KIF26B: variants seen among roughly 807,000 people sequenced by gnomAD.
KIF26B encodes kinesin-like protein KIF26B.
KIF26B carries 63 observed loss-of-function variants against 151.2 expected under a neutral mutation model. The ratio of observed to expected loss-of-function variants is 0.42; its 90% confidence interval spans 0.34 to 0.51. KIF26B has a LOEUF of 0.51. Ranked by LOEUF, KIF26B falls within the 20% of genes least tolerant of loss-of-function variation. The pLI is 0.07. For missense variants in KIF26B, 2,813 were observed against 2,913.6 expected, an observed-to-expected ratio of 0.97 and a Z score of 0.79; for synonymous variants, 1,357 against 1,262.1, an observed-to-expected ratio of 1.08 and a Z score of -1.59.
chr1:245,319,932 A>G (rs1671854260), intron 2 of KIF26B, among the ~76,000 whole-genome samples: 1 of 152,220 alleles, frequency 6.6e-6, no homozygotes. Context: ...TTGGGAGTAT[A>G]AGAACACAGA....
At chr1:245,474,575 C>G (rs1194579525) in intron 4 of KIF26B, among the ~76,000 whole-genome samples, 1 of 151,386 alleles carries the variant, frequency 6.6e-6, no homozygotes, top group African/African-American at 2.4e-5. Context: ...TCATGCCTGG[C>G]TTATTTTTTG....
intron 2 of KIF26B, among the ~76,000 whole-genome samples, chr1:245,294,329 G>A (rs888783182): frequency 1.3e-5 from 2 of 152,190 alleles, no homozygotes; most frequent in Non-Finnish European, 2.9e-5. Flanking sequence ...AGCAAAGCAT[G>A]AGGGTCTAAC....
intron 5 of KIF26B, among the ~76,000 whole-genome samples, chr1:245,577,719 G>A (rs548558853): frequency 1.7e-4 from 25 of 148,670 alleles, no homozygotes; most frequent in African/African-American, 5.7e-4. Context: ...CACCGGAAGA[G>A]CTTTGTGGAA....
At chr1:245,688,887 C>T (rs541296122) in intron 12 of KIF26B, 80 bp downstream of exon 12, 14 of 1,458,284 alleles carry the variant, frequency 9.6e-6, no homozygotes, top group East Asian at 2.5e-5. Flanking sequence ...CAGGGTGTCC[C>T]GTGCCCTGGG....
intron 2 of KIF26B, among the ~76,000 whole-genome samples, chr1:245,175,243 G>A (rs1040302309): frequency 6.6e-6 from 1 of 152,116 alleles, no homozygotes; most frequent in African/African-American, 2.4e-5. Flanking sequence ...ACAACCCCTA[G>A]CCAATCTGCC....
intron 4 of KIF26B, among the ~76,000 whole-genome samples, chr1:245,537,840 C>A (rs1398704461): frequency 6.6e-6 from 1 of 152,084 alleles, no homozygotes; most frequent in Non-Finnish European, 1.5e-5. Flanking sequence ...TAATTAGATA[C>A]ATAAATAAGG....
intron 4 of KIF26B, among the ~76,000 whole-genome samples, chr1:245,499,600 A>G (rs556734530): frequency 3.3e-5 from 5 of 152,368 alleles, no homozygotes; most frequent in African/African-American, 1.2e-4. Context: ...GTAAGCCAAA[A>G]AGTTTCCACT....
intron 2 of KIF26B, among the ~76,000 whole-genome samples, chr1:245,261,640 A>G (rs1013728929): frequency 6.6e-6 from 1 of 151,476 alleles, no homozygotes; most frequent in African/African-American, 2.4e-5. Context: ...GCTGGAATGC[A>G]ATGGCGTGAT....
chr1:245,685,619 A>T lies in KIF26B; in HGVS notation c.2636A>T (p.Glu879Val). ...AACGGCACGGCCCTCTCTGACAAGG[A>T]GCTCACCGACAACGAGGGCCCCCCA... ...GPNGTALSDK[E>V]LTDNEGPPDF... The change falls in exon 12 of 15, where the codon GAG (glutamate) becomes GTG (valine). Residue 879 changes from glutamate (E) to valine (V), a missense_variant. Around this residue, in one of 3 missense-constraint regions of KIF26B, gnomAD observed 2,060 missense variants for 2,088.6 expected, o/e 0.99. Coordinates refer to ENST00000407071, the MANE Select transcript of KIF26B (RefSeq NM_018012.4). The T allele has an allele frequency of 6.2e-7, 1 of 1,613,604 alleles. No homozygotes were observed.
chr1:245,516,653 T>A lies in KIF26B; in HGVS notation c.1167-24114T>A, dbSNP rs1660973812. ...GGGGTGGAGATGTGGGGTGAAGTAA[T>A]GAGCCCGCAAGGCCTGTCTGTGCCT... On this transcript the variant is annotated intron_variant, in intron 4 of 14. Transcript: ENST00000407071. The surrounding 1 kb of genome is among the most constrained non-coding windows in gnomAD (Gnocchi z 4.2). 6.6e-6 allele frequency among the ~76,000 whole-genome samples: 1 copy of A among 152,160 alleles called. No homozygotes were observed. Among genetic ancestry groups the A allele is most frequent in the African/African-American group, 2.4e-5 (1 of 41,430 alleles).
intron 4 of KIF26B, among the ~76,000 whole-genome samples, chr1:245,457,458 A>G (rs1247593984): frequency 6.6e-6 from 1 of 152,228 alleles, no homozygotes; most frequent in Non-Finnish European, 1.5e-5. Flanking sequence ...ATGCATGCAA[A>G]ATATAAATAG....
At position 245,495,517 on chromosome 1, in the gene KIF26B, T is replaced by C. The variant is rs1348021177; in HGVS notation, c.1167-45250T>C. ...GACATTGAAAATCTTTTCTTCTAGCTTTTTGAAAACATACAATAAATCATC... is the reference window on the plus strand; with the variant it reads ...GACATTGAAAATCTTTTCTTCTAGCCTTTTGAAAACATACAATAAATCATC... On this transcript the variant is annotated intron_variant, in intron 4 of 14. Coordinates refer to ENST00000407071, the MANE Select transcript of KIF26B (RefSeq NM_018012.4). This position sits in a 1 kb window ranked among gnomAD's most constrained non-coding sequence, Gnocchi z 4.2. Among the ~76,000 whole-genome samples the C allele has an allele frequency of 6.6e-6, 1 of 152,202 alleles. No individual in the cohort carries two copies. The highest frequency in any genetic ancestry group is 1.9e-4 in the East Asian group (1 of 5,204).
Position 245,540,926 on chromosome 1 carries a change from G to C in KIF26B, c.1326G>C (p.Val442=), listed in dbSNP as rs1661605515. 1 of 1,613,748 alleles carries C rather than the reference G, an allele frequency of 6.2e-7. No individual in the cohort carries two copies. The change falls in exon 5 of 15, where the codon GTG becomes GTC. Residue 442 remains valine, a synonymous_variant. Coordinates refer to ENST00000407071, the MANE Select transcript of KIF26B (RefSeq NM_018012.4). The surrounding 1 kb of genome is among the most constrained non-coding windows in gnomAD (Gnocchi z 4.6). Reference sequence around the variant, plus strand: ...GCCTGCTGAGGGCTGTCAACAAGGTGAAGGACACCCCGGGGCTGGGCAAGG... The same window carrying C: ...GCCTGCTGAGGGCTGTCAACAAGGTCAAGGACACCCCGGGGCTGGGCAAGG... ...PPCLLRAVNK[V]KDTPGLGKVK...
intron 9 of KIF26B, among the ~76,000 whole-genome samples, chr1:245,640,998 A>G (rs1254023353): frequency 6.6e-6 from 1 of 152,188 alleles, no homozygotes. Flanking sequence ...CTATGCTTTT[A>G]AGAACTTCTT....
intron 5 of KIF26B, among the ~76,000 whole-genome samples, chr1:245,548,246 AGCTCAGT>A (rs1407670677): frequency 1.3e-5 from 2 of 152,138 alleles, no homozygotes. Context: ...TTTCAGTGCC[AGCTCAGT>A]GCTAGAAAGG....
intron 5 of KIF26B, among the ~76,000 whole-genome samples, chr1:245,600,292 C>G (rs1381874023): frequency 1.4e-5 from 2 of 143,010 alleles, no homozygotes; most frequent in Admixed American, 7.0e-5. Flanking sequence ...CCCGCCTCGG[C>G]CTCCCAAAGT....
At chr1:245,573,708 A>G (rs2043088794) in intron 5 of KIF26B, among the ~76,000 whole-genome samples, 2 of 152,234 alleles carry the variant, frequency 1.3e-5, no homozygotes, top group Admixed American at 6.5e-5. Context: ...AATTTCCTCT[A>G]TAGAGTAGTT....
intron 2 of KIF26B, among the ~76,000 whole-genome samples, chr1:245,306,657 C>T (rs11578205): frequency 2.0e-5 from 3 of 152,252 alleles, no homozygotes; most frequent in South Asian, 4.2e-4. Context: ...CCCCACCCCC[C>T]ACCATCTATA....
At chr1:245,487,683 C>T (rs1660311591) in intron 4 of KIF26B, among the ~76,000 whole-genome samples, 1 of 151,994 alleles carries the variant, frequency 6.6e-6, no homozygotes, top group Non-Finnish European at 1.5e-5. Context: ...TCACTGCAGC[C>T]TGGACCTCGG....
Sources: gnomAD v4.1 joint callset for allele counts (sites outside exome capture counted in the v4.1 genomes callset) on GRCh38, gnomAD v4.1.1 for gene constraint, gnomAD v4.1.1 regional missense constraint, Gnocchi (gnomAD v3.1) non-coding constraint, MANE v1.5 for transcripts, NCBI Gene and HGNC (gene_info 2026-07-23, HGNC 2026-07-21) for gene names.